The following EYA3 variants were observed in gnomAD, a reference collection of about 807,000 sequenced individuals.
EYA3 encodes protein phosphatase EYA3.
Under a neutral mutation model 80.0 loss-of-function variants are expected in EYA3, and 39 were observed. That is an observed-to-expected ratio of 0.49 (90% CI 0.38 to 0.64). EYA3 has a LOEUF of 0.64. Among genes scored for constraint, EYA3 ranks in the 30% least tolerant of loss-of-function variants. EYA3 has a pLI of 0.00. For synonymous variants in EYA3, 206 were observed against 232.8 expected, an observed-to-expected ratio of 0.88 and a Z score of 1.05; for missense variants, 523 against 676.1, an observed-to-expected ratio of 0.77 and a Z score of 2.51.
intron 1 of EYA3, among the ~76,000 whole-genome samples, chr1:28,084,540 G>T (rs1645541386): frequency 9.1e-6 from 1 of 109,498 alleles, no homozygotes; most frequent in African/African-American, 3.4e-5. Flanking sequence ...CATCTGGGAA[G>T]CATTGACTAT....
chr1:28,081,909 C>T (rs1645443561), intron 1 of EYA3, among the ~76,000 whole-genome samples: 1 of 151,948 alleles, frequency 6.6e-6, no homozygotes, highest in African/African-American at 2.4e-5. Flanking sequence ...ATTATCAGAC[C>T]CACATTGCTT....
At chr1:27,976,131 T>C (rs554434803) in intron 17 of EYA3, among the ~76,000 whole-genome samples, 11 of 152,258 alleles carry the variant, frequency 7.2e-5, no homozygotes, top group African/African-American at 2.4e-4. Flanking sequence ...GCTATTAACA[T>C]ACAGAAGAGG....
chr1:28,051,822 T>C (rs1369725116), intron 2 of EYA3, among the ~76,000 whole-genome samples: 1 of 152,146 alleles, frequency 6.6e-6, no homozygotes, highest in Non-Finnish European at 1.5e-5. Flanking sequence ...ATTCATCTTG[T>C]AAAGATGGTA....
At chr1:28,037,927 T>C (rs1643542809) in intron 5 of EYA3, among the ~76,000 whole-genome samples, 1 of 152,206 alleles carries the variant, frequency 6.6e-6, no homozygotes, top group Non-Finnish European at 1.5e-5. Flanking sequence ...TAAATGCACT[T>C]GTATGTGTCT....
At chr1:27,989,197 T>C (rs1044983463) in intron 15 of EYA3, among the ~76,000 whole-genome samples, 1 of 152,212 alleles carries the variant, frequency 6.6e-6, no homozygotes. Flanking sequence ...GAATTACTGC[T>C]TTGCGGGAGG....
chr1:28,087,292 C>T (rs1645690434), intron 1 of EYA3, among the ~76,000 whole-genome samples: 1 of 151,708 alleles, frequency 6.6e-6, no homozygotes, highest in Non-Finnish European at 1.5e-5. Flanking sequence ...GAAAGGTGCC[C>T]TAAATCTCAA....
intron 1 of EYA3, among the ~76,000 whole-genome samples, chr1:28,088,088 A>C (rs1645733108): frequency 6.6e-6 from 1 of 152,302 alleles, no homozygotes; most frequent in African/African-American, 2.4e-5. Context: ...GACCCTAGGG[A>C]GAGGCTCAGT....
chr1:28,068,591 AACAAAGAG>A, intron 1 of EYA3, among the ~76,000 whole-genome samples: 1 of 151,900 alleles, frequency 6.6e-6, no homozygotes, highest in Non-Finnish European at 1.5e-5. Flanking sequence ...AGCTTAGTTG[AACAAAGAG>A]CTACTTCTGA....
chr1:27,997,213 C>T, intron 13 of EYA3, 107 bp downstream of exon 13: 1 of 1,018,552 alleles, frequency 9.8e-7, no homozygotes, highest in Non-Finnish European at 1.5e-6. Flanking sequence ...AGGTTGTGAG[C>T]TCTTTCAGAG....
At chr1:28,081,008 C>T (rs1484102451) in intron 1 of EYA3, among the ~76,000 whole-genome samples, 1 of 152,176 alleles carries the variant, frequency 6.6e-6, no homozygotes, top group East Asian at 1.9e-4. Flanking sequence ...CCTCCCGCCT[C>T]GGCCTCCCAA....
intron 3 of EYA3, among the ~76,000 whole-genome samples, chr1:28,044,670 G>A (rs1335138699): frequency 6.6e-6 from 1 of 152,136 alleles, no homozygotes; most frequent in Non-Finnish European, 1.5e-5. Flanking sequence ...AAAATATATA[G>A]CACAAAATTT....
At chr1:28,077,118 T>TC (rs1645246801) in intron 1 of EYA3, among the ~76,000 whole-genome samples, 1 of 150,316 alleles carries the variant, frequency 6.7e-6, no homozygotes, top group Non-Finnish European at 1.5e-5. Flanking sequence ...TTTTTTTTTT[T>TC]TTTTTGAGAC....
Position 28,058,032 on chromosome 1 carries a change from C to A in EYA3, c.-6G>T. 6.3e-7 allele frequency: 1 copy of A among 1,584,266 alleles called. No homozygotes were observed. The highest frequency in any genetic ancestry group is 8.6e-7 in the Non-Finnish European group (1 of 1,161,568). On this transcript the variant is annotated 5_prime_UTR_variant, in exon 2 of 18. Coordinates refer to ENST00000373871, the MANE Select transcript of EYA3 (RefSeq NM_001990.4). ...AAATCTTGCTCTTCTTCCATGAGGA[C>A]CAATATTTCTTTATTATACTTATGT...
In EYA3 at chr1:28,036,043, G is replaced by A. The variant is rs557568343; in HGVS notation, c.225-363C>T. Among the ~76,000 whole-genome samples, 10 of 152,212 alleles carry A rather than the reference G, an allele frequency of 6.6e-5. No individual in the cohort carries two copies. The East Asian group carries it at 9.6e-4, about 15-fold the overall frequency. ...TTGGCCAGGCTGGCCTCGAACTCCC[G>A]ACCTCAAGTGATCCACCCACCTTGG... On this transcript the variant is annotated intron_variant, in intron 5 of 17. Coordinates refer to ENST00000373871, the MANE Select transcript of EYA3 (RefSeq NM_001990.4).
rs553608971 is a variant in EYA3 at position 28,058,112 on chromosome 1, G to C, written c.-68-18C>G. The C allele has an allele frequency of 1.4e-4, 156 of 1,128,386 alleles. No homozygotes were observed. Among genetic ancestry groups the C allele is most frequent in the Middle Eastern group, 6.8e-4 (3 of 4,442 alleles). The allele number at this position is 1,128,386 out of a possible 1,614,324, so 69.9% of individuals were successfully genotyped here. On this transcript the variant is annotated intron_variant, in intron 1 of 17. Transcript: ENST00000373871. The stretch of plus-strand genomic sequence containing the variant: ...TTCACAATCTGTTTTTAAAAAGGAG[G>C]ATTCAAAGCTTTATACACTCTTAAA...
chr1:28,054,075 G>A (rs1489335225), intron 2 of EYA3, among the ~76,000 whole-genome samples: 2 of 152,168 alleles, frequency 1.3e-5, no homozygotes, highest in East Asian at 3.8e-4. Context: ...GAAGGACACT[G>A]TTCTGTTTAC....
At chr1:28,082,040 A>G (rs867057145) in intron 1 of EYA3, among the ~76,000 whole-genome samples, 1 of 152,304 alleles carries the variant, frequency 6.6e-6, no homozygotes, top group Middle Eastern at 3.4e-3. Context: ...AACAAGTATT[A>G]TCATCATAGC....
At chr1:28,070,432 G>T (rs948942014) in intron 1 of EYA3, among the ~76,000 whole-genome samples, 2 of 151,902 alleles carry the variant, frequency 1.3e-5, no homozygotes, top group Non-Finnish European at 2.9e-5. Flanking sequence ...CGTGGTGGTG[G>T]GCACCTGTAA....
intron 10 of EYA3, among the ~76,000 whole-genome samples, chr1:28,008,052 G>A (rs1278310950): frequency 1.3e-5 from 2 of 152,068 alleles, no homozygotes; most frequent in Non-Finnish European, 2.9e-5. Flanking sequence ...GAAATAAACC[G>A]AGAGTCTAAA....
Sources: gnomAD v4.1 joint callset for allele counts (sites outside exome capture counted in the v4.1 genomes callset) on GRCh38, gnomAD v4.1.1 for gene constraint, MANE v1.5 for transcripts, NCBI Gene and HGNC (gene_info 2026-07-23, HGNC 2026-07-21) for gene names.